NIPA2: variants seen among roughly 807,000 people sequenced by gnomAD.
NIPA2 encodes magnesium transporter NIPA2.
NIPA2 carries 11 observed loss-of-function variants against 29.7 expected under a neutral mutation model. That is an observed-to-expected ratio of 0.37 (90% CI 0.23 to 0.61). The LOEUF is 0.61. NIPA2 is among the 20% of genes least tolerant of loss of function. The pLI is 0.66. For synonymous variants in NIPA2, 183 were observed against 161.9 expected (o/e 1.13, Z -0.99); for missense variants, 426 against 437.9 (o/e 0.97, Z 0.24).
chr15:22,862,049 C>CTCTCTTTTT (rs1555387456), intron 7 of NIPA2, among the ~76,000 whole-genome samples: 1 of 103,976 alleles, frequency 9.6e-6, no homozygotes, highest in Non-Finnish European at 1.8e-5. Flanking sequence ...ATGGGTCTCT[C>CTCTCTTTTT]TTTTTTTTTT....
At chr15:22,845,989 C>T (rs1898518827) in intron 3 of NIPA2, among the ~76,000 whole-genome samples, 1 of 152,036 alleles carries the variant, frequency 6.6e-6, no homozygotes, top group Non-Finnish European at 1.5e-5. Flanking sequence ...GTTCATTGGC[C>T]TTAGGATTAA....
chr15:22,844,408 G>T (rs1277765887), intron 2 of NIPA2, among the ~76,000 whole-genome samples: 5 of 152,026 alleles, frequency 3.3e-5, no homozygotes. Flanking sequence ...CAAAAAATTA[G>T]CCGGGTGTGG....
At position 22,853,799 on chromosome 15, in the gene NIPA2, T is replaced by C. The variant is rs557678344; in HGVS notation, c.196+531T>C. Among the ~76,000 whole-genome samples, 346 of 152,274 alleles carry C rather than the reference T, an allele frequency of 2.3e-3. 1 individual carries two copies. The highest frequency in any genetic ancestry group is 7.8e-3 in the African/African-American group (325 of 41,566). ...CATGGGTTATCCATCCCCTCAACAA[T>C]TTATCCTTTGCAGGACAAACAATCC... On this transcript the variant is annotated intron_variant, in intron 5 of 7. Transcript: ENST00000337451.
chr15:22,855,465 T>A (rs182773987), intron 5 of NIPA2, among the ~76,000 whole-genome samples: 1 of 151,890 alleles, frequency 6.6e-6, no homozygotes, highest in East Asian at 1.9e-4. Context: ...GACTGTTCAG[T>A]CAACAAATAC....
chr15:22,840,284 T>C (rs371280472), intron 2 of NIPA2, among the ~76,000 whole-genome samples: 1 of 148,388 alleles, frequency 6.7e-6, no homozygotes, highest in South Asian at 2.1e-4. Context: ...AAGAGCTCTA[T>C]ATATAGTTTT....
chr15:22,862,682 G>A (rs1312810161), intron 7 of NIPA2, among the ~76,000 whole-genome samples: 2 of 152,060 alleles, frequency 1.3e-5, no homozygotes, highest in Non-Finnish European at 2.9e-5. Context: ...TGGGCCTCCT[G>A]TGGTGGTGTT....
intron 7 of NIPA2, among the ~76,000 whole-genome samples, chr15:22,862,893 T>C (rs2058716667): frequency 7.0e-6 from 1 of 143,166 alleles, no homozygotes; most frequent in African/African-American, 2.7e-5. Context: ...CAGTTTGCCT[T>C]TATTCTTTTT....
chr15:22,843,679 C>T (rs542447360), intron 2 of NIPA2, among the ~76,000 whole-genome samples: 33 of 149,916 alleles, frequency 2.2e-4, no homozygotes, highest in African/African-American at 7.8e-4. Flanking sequence ...GAGACGGAGT[C>T]TCGCCCTGTG....
At chr15:22,842,554 C>T (rs1897361493) in intron 2 of NIPA2, among the ~76,000 whole-genome samples, 1 of 151,710 alleles carries the variant, frequency 6.6e-6, no homozygotes, top group Admixed American at 6.6e-5. Flanking sequence ...ATTGGCCGGG[C>T]ACGGTAACTC....
chr15:22,850,922 A>C (rs1028407897), intron 3 of NIPA2, among the ~76,000 whole-genome samples: 1 of 152,198 alleles, frequency 6.6e-6, no homozygotes, highest in South Asian at 2.1e-4. Flanking sequence ...TTTCTCTGCT[A>C]TCCACACTGT....
chr15:22,853,565 G>C (rs546236422), intron 5 of NIPA2, among the ~76,000 whole-genome samples: 2 of 151,678 alleles, frequency 1.3e-5, no homozygotes, highest in South Asian at 2.1e-4. Context: ...TAGTAGAGAC[G>C]GGGTTTCACT....
Position 22,858,550 on chromosome 15 carries a change from T to G in NIPA2, c.207T>G (p.Gly69=). ...TTGTCTGTCTCTAAGTGGGAGCTGGTGAGGTGGCCAACTTCGCTGCGTATG... is the reference window on the plus strand; with the variant it reads ...TTGTCTGTCTCTAAGTGGGAGCTGGGGAGGTGGCCAACTTCGCTGCGTATG... ...WWAGLLSMGA[G]EVANFAAYAF... is the part of the protein sequence containing the mutation. The change falls in exon 6 of 8, where the codon GGT becomes GGG. Residue 69 remains glycine, a synonymous_variant. Transcript: ENST00000337451. 1 of 1,606,214 alleles carries G rather than the reference T, an allele frequency of 6.2e-7. No homozygotes were observed. Among genetic ancestry groups the G allele is most frequent in the Non-Finnish European group, 8.5e-7 (1 of 1,175,182 alleles).
At chr15:22,845,560 C>G (rs1225807345) in intron 3 of NIPA2, among the ~76,000 whole-genome samples, 1 of 152,090 alleles carries the variant, frequency 6.6e-6, no homozygotes. Flanking sequence ...GAAGATAGAA[C>G]AGTAGTTGAG....
At chr15:22,848,825 CAAAAAAA>C (rs35853443) in intron 3 of NIPA2, among the ~76,000 whole-genome samples, 33 of 66,740 alleles carry the variant, frequency 4.9e-4, no homozygotes, top group Admixed American at 7.6e-4. Context: ...ACTCTTGTCT[CAAAAAAA>C]AAAAAAAAAA....
Position 22,846,840 on chromosome 15 carries a change from A to ATTATTATTATT in NIPA2, c.-94+1573_-94+1574insTTATTATTATT, listed in dbSNP as rs1555380237. 4.2e-3 allele frequency among the ~76,000 whole-genome samples: 563 copies of ATTATTATTATT among 134,966 alleles called. 4 individuals carry two copies. The highest frequency in any genetic ancestry group is 0.014 in the African/African-American group (517 of 35,942). The allele number at this position is 134,966 out of a possible 152,430, so 88.5% of individuals were successfully genotyped here. A position where few individuals can be genotyped will look rare whatever the true frequency, so the allele number is the denominator to read the frequency against. Reference sequence around the variant, plus strand: ...CCAAAATAATAATAATAATAATAATAATTATTATTATTATTATTTAAATTT... The same window carrying ATTATTATTATT: ...CCAAAATAATAATAATAATAATAATATTATTATTATTATTATTATTATTATTATTTAAATTT... On this transcript the variant is annotated intron_variant, in intron 3 of 7. Coordinates refer to ENST00000337451, the MANE Select transcript of NIPA2 (RefSeq NM_030922.7).
intron 3 of NIPA2, among the ~76,000 whole-genome samples, chr15:22,848,515 T>G (rs1381031168): frequency 3.3e-5 from 5 of 152,024 alleles, no homozygotes; most frequent in Non-Finnish European, 7.4e-5. Context: ...CTGGCTGTTT[T>G]TAAGGGCTAA....
chr15:22,853,100 C>A, intron 4 of NIPA2, 112 bp from the exon 5 acceptor site: 1 of 695,326 alleles, frequency 1.4e-6, no homozygotes, highest in Non-Finnish European at 2.5e-6. Context: ...ATGCAGAAAC[C>A]TTTATTTAAA....
intron 7 of NIPA2, among the ~76,000 whole-genome samples, chr15:22,865,439 TCG>T (rs2058950861): frequency 1.3e-5 from 2 of 151,368 alleles, no homozygotes; most frequent in Admixed American, 1.3e-4. Flanking sequence ...TGAGCCGAGA[TCG>T]CACCACTGCA....
rs2058552799 is a variant in NIPA2 at position 22,860,614 on chromosome 15, TC to T, written c.288-13del. ...GCTGATTAAAGTTCTCAATTTTTTT[TC>T]CTCCCCATTTTAGTGCCATTCTTTC... On this transcript the variant is annotated splice_polypyrimidine_tract_variant and intron_variant, in intron 6 of 7. Transcript: ENST00000337451. 1 of 1,518,278 alleles carries T rather than the reference TC, an allele frequency of 6.6e-7. No homozygotes were observed. The highest frequency in any genetic ancestry group is 1.4e-5 in the African/African-American group (1 of 70,342). The allele number at this position is 1,518,278 out of a possible 1,614,324, so 94.1% of individuals were successfully genotyped here.
Sources: gnomAD v4.1 joint callset for allele counts (sites outside exome capture counted in the v4.1 genomes callset) on GRCh38, gnomAD v4.1.1 for gene constraint, MANE v1.5 for transcripts, NCBI Gene and HGNC (gene_info 2026-07-23, HGNC 2026-07-21) for gene names.